Variants in TECPR2 observed in about 807,000 individuals in gnomAD.
TECPR2 encodes the protein tectonin beta-propeller repeat-containing protein 2.
In TECPR2, 65 loss-of-function variants were observed where a neutral mutation model predicts 138.1. The observed-to-expected ratio is 0.47, with a 90% confidence interval of 0.39 to 0.58. The LOEUF is 0.58. TECPR2 is among the 20% of genes least tolerant of loss of function. TECPR2 has a pLI of 0.00. For missense variants in TECPR2, 1,553 were observed against 1,824.5 expected (o/e 0.85, Z 2.71); for synonymous variants, 746 against 749.8 (o/e 0.99, Z 0.08).
At chr14:102,431,616 A>G (rs1471128293) in intron 7 of TECPR2, among the ~76,000 whole-genome samples, 180 bp from the exon 8 acceptor site, 1 of 152,198 alleles carries the variant, frequency 6.6e-6, no homozygotes, top group African/African-American at 2.4e-5. Flanking sequence ...TGCTGGGATT[A>G]CAGGCGTGAG....
At chr14:102,468,080 A>G (rs1472039859) in intron 17 of TECPR2, among the ~76,000 whole-genome samples, 5 of 150,646 alleles carry the variant, frequency 3.3e-5, no homozygotes, top group Admixed American at 2.0e-4. Flanking sequence ...TCCTGGCCTC[A>G]GGTGATCCGC....
At chr14:102,471,673 A>G (rs1280052927) in intron 17 of TECPR2, among the ~76,000 whole-genome samples, 1 of 152,014 alleles carries the variant, frequency 6.6e-6, no homozygotes, top group African/African-American at 2.4e-5. Context: ...TTTATTGCCA[A>G]TTGCCACTAT....
intron 17 of TECPR2, among the ~76,000 whole-genome samples, chr14:102,480,381 C>T (rs1401778850): frequency 3.9e-5 from 6 of 152,078 alleles, no homozygotes; most frequent in Non-Finnish European, 8.8e-5. Context: ...CCCACCACCA[C>T]ACCTGGCTAA....
chr14:102,396,249 C>T (rs1597782445), intron 2 of TECPR2, among the ~76,000 whole-genome samples: 1 of 151,892 alleles, frequency 6.6e-6, no homozygotes, highest in Admixed American at 6.6e-5. Flanking sequence ...ATTACAGGCA[C>T]ACACCACCAC....
At chr14:102,434,171 A>C in intron 8 of TECPR2, 64 bp from the exon 9 acceptor site, 1 of 1,317,194 alleles carries the variant, frequency 7.6e-7, no homozygotes, top group Non-Finnish European at 9.8e-7. Flanking sequence ...ATATGTGTGC[A>C]AGTTAGTCTC....
At chr14:102,369,597 T>C (rs558506181) in intron 1 of TECPR2, among the ~76,000 whole-genome samples, 60 of 152,040 alleles carry the variant, frequency 3.9e-4, no homozygotes, top group African/African-American at 1.2e-3. Context: ...GCTACTTTTT[T>C]GTATTTTTTG....
At chr14:102,439,728 G>A (rs1457007376) in intron 10 of TECPR2, among the ~76,000 whole-genome samples, 2 of 152,198 alleles carry the variant, frequency 1.3e-5, no homozygotes, top group Non-Finnish European at 2.9e-5. Flanking sequence ...CTTGTGCCGG[G>A]GGCACCACAG....
At chr14:102,374,615 T>G (rs766180390) in intron 1 of TECPR2, among the ~76,000 whole-genome samples, 1 of 152,178 alleles carries the variant, frequency 6.6e-6, no homozygotes, top group Non-Finnish European at 1.5e-5. Context: ...ATGAAATATT[T>G]GTTTTAAAAG....
intron 1 of TECPR2, among the ~76,000 whole-genome samples, chr14:102,376,282 T>A (rs1887636958): frequency 6.6e-6 from 1 of 152,162 alleles, no homozygotes; most frequent in Non-Finnish European, 1.5e-5. Flanking sequence ...CCCACTGATC[T>A]CTCTCTCCTC....
chr14:102,458,630 A>G (rs945235078), intron 16 of TECPR2, among the ~76,000 whole-genome samples: 4 of 151,954 alleles, frequency 2.6e-5, no homozygotes, highest in Non-Finnish European at 5.9e-5. Context: ...GCTGGTCTTG[A>G]ACTCCTGCCC....
chr14:102,439,417 G>A (rs953093667), intron 10 of TECPR2, among the ~76,000 whole-genome samples: 6 of 152,046 alleles, frequency 3.9e-5, no homozygotes, highest in African/African-American at 1.4e-4. Context: ...TTTCTTGCTT[G>A]CTTTCACTGT....
Position 102,428,360 on chromosome 14 carries a change from G to T in TECPR2, c.1062G>T (p.Arg354Ser), listed in dbSNP as rs762479582. Residue 354 changes from arginine to serine, a missense_variant, in exon 7 of 20, where the codon AGG (arginine) becomes AGT (serine). Transcript: ENST00000359520. ...GGAACATTATAAGAATTTCAAGCAG[G>T]CCTGAAGGATTAACATCAACAGGTT... is the stretch of plus-strand genomic sequence containing the variant. ...GDRNIIRISS[R>S]PEGLTSTVRD... is the part of the protein sequence containing the mutation. 5 of 1,609,242 alleles carry T rather than the reference G, an allele frequency of 3.1e-6. No individual in the cohort carries two copies. The highest frequency in any genetic ancestry group is 3.4e-6 in the Non-Finnish European group (4 of 1,178,738).
intron 9 of TECPR2, among the ~76,000 whole-genome samples, chr14:102,436,321 T>TC (rs201430176): frequency 0.024 from 3,575 of 148,736 alleles, 45 homozygotes; most frequent in Middle Eastern, 0.088. Flanking sequence ...TTTCTTTCTT[T>TC]TTTTTTTTTT....
intron 5 of TECPR2, among the ~76,000 whole-genome samples, chr14:102,423,161 A>G (rs368153431): frequency 6.6e-6 from 1 of 152,270 alleles, no homozygotes; most frequent in South Asian, 2.1e-4. Flanking sequence ...GGCCAGGCGC[A>G]GTGGCTCATG....
At chr14:102,477,923 A>T in intron 17 of TECPR2, among the ~76,000 whole-genome samples, 1 of 114,160 alleles carries the variant, frequency 8.8e-6, no homozygotes, top group Non-Finnish European at 1.7e-5. Context: ...TGACAGAGCG[A>T]GACTCCGTCT....
chr14:102,445,855 A>T lies in TECPR2; in HGVS notation c.2983A>T (p.Thr995Ser), dbSNP rs1854909877. Residue 995 changes from threonine to serine, a missense_variant, in exon 13 of 20, where the codon ACT becomes TCT. By Grantham distance (58) the Thr-to-Ser change is moderately conservative. Transcript: ENST00000359520. ...PVCITLGDQQ[T>S]LWALDIHGNL... Reference sequence around the variant, plus strand: ...CTGCATAACGCTCGGGGATCAGCAGACTCTCTGGGCCCTGGACATCCATGG... The same window carrying T: ...CTGCATAACGCTCGGGGATCAGCAGTCTCTCTGGGCCCTGGACATCCATGG... 2 of 1,613,460 alleles carry T rather than the reference A, an allele frequency of 1.2e-6. No homozygotes were observed. The highest frequency in any genetic ancestry group is 2.7e-5 in the African/African-American group (2 of 74,710).
At chr14:102,463,104 T>C (rs114427669) in intron 16 of TECPR2, among the ~76,000 whole-genome samples, 18 of 152,184 alleles carry the variant, frequency 1.2e-4, no homozygotes, top group African/African-American at 3.4e-4. Context: ...AGGATCTCCA[T>C]TGGGGAAACT....
chr14:102,483,503 G>C (rs939917702), intron 17 of TECPR2, among the ~76,000 whole-genome samples: 2 of 151,904 alleles, frequency 1.3e-5, no homozygotes, highest in African/African-American at 2.4e-5. Context: ...GCACAATGGC[G>C]CAATCACAGC....
intron 2 of TECPR2, among the ~76,000 whole-genome samples, chr14:102,389,699 C>T (rs1888113294): frequency 6.6e-6 from 1 of 152,168 alleles, no homozygotes; most frequent in South Asian, 2.1e-4. Flanking sequence ...GTATTAATGC[C>T]ACTGTCTCTT....
Sources: gnomAD v4.1 joint callset for allele counts (sites outside exome capture counted in the v4.1 genomes callset) on GRCh38, gnomAD v4.1.1 for gene constraint, MANE v1.5 for transcripts, NCBI Gene and HGNC (gene_info 2026-07-23, HGNC 2026-07-21) for gene names.